The following FAM13C variants were observed in gnomAD, a reference collection of about 807,000 sequenced individuals.
FAM13C encodes the protein family with sequence similarity 13 member C, also known as protein FAM13C.
In FAM13C, 37 loss-of-function variants were observed where a neutral mutation model predicts 73.2. The observed-to-expected ratio is 0.51, with a 90% CI of 0.39 to 0.67. FAM13C has a LOEUF of 0.67. Among genes scored for constraint, FAM13C ranks in the 30% least tolerant of loss-of-function variants. The pLI, the probability that FAM13C is intolerant of heterozygous loss-of-function variation, is 0.00. For missense variants in FAM13C, 589 were observed against 715.6 expected, an observed-to-expected ratio of 0.82 and a Z score of 2.02; for synonymous variants, 246 against 260.9, an observed-to-expected ratio of 0.94 and a Z score of 0.55.
intron 5 of FAM13C, among the ~76,000 whole-genome samples, chr10:59,302,416 T>C (rs1004586423): frequency 2.6e-4 from 40 of 152,148 alleles, no homozygotes; most frequent in African/African-American, 9.4e-4. Flanking sequence ...ACAGTAAGTA[T>C]GATTATGTTT....
At chr10:59,279,584 G>T (rs1844704718) in intron 6 of FAM13C, among the ~76,000 whole-genome samples, 1 of 152,182 alleles carries the variant, frequency 6.6e-6, no homozygotes, top group South Asian at 2.1e-4. Flanking sequence ...TGGTCAGACA[G>T]AACAAAGGCT....
At chr10:59,347,215 G>C (rs181665838) in intron 3 of FAM13C, among the ~76,000 whole-genome samples, 1 of 152,156 alleles carries the variant, frequency 6.6e-6, no homozygotes, top group Admixed American at 6.5e-5. Flanking sequence ...TGTTCTATCA[G>C]TAAATATAAC....
rs1589445633 is a variant in FAM13C at position 59,283,451 on chromosome 10, G to A, written c.508-4C>T. The A allele has an allele frequency of 6.2e-7, 1 of 1,614,022 alleles. No individual in the cohort carries two copies. The highest frequency in any genetic ancestry group is 1.1e-5 in the South Asian group (1 of 91,092). ...CATGCACCTGAGCAGCTTCTTCCTG[G>A]TTTGTTAAAAATGCAGAGCACAGAT... On this transcript the variant is annotated splice_polypyrimidine_tract_variant and splice_region_variant and intron_variant, in intron 5 of 13. Coordinates refer to ENST00000618804, the MANE Select transcript of FAM13C (RefSeq NM_198215.4).
intron 7 of FAM13C, among the ~76,000 whole-genome samples, chr10:59,269,474 G>A (rs1303507719): frequency 2.6e-5 from 4 of 151,034 alleles, no homozygotes; most frequent in African/African-American, 7.4e-5. Flanking sequence ...GGTAGCTATT[G>A]TAAGCTACCA....
Position 59,347,690 on chromosome 10 carries a change from G to C in FAM13C, c.324+4580C>G, listed in dbSNP as rs57253449. 5.7e-3 allele frequency among the ~76,000 whole-genome samples: 705 copies of C among 124,436 alleles called. 5 individuals carry two copies. Among genetic ancestry groups the C allele is most frequent in the African/African-American group, 0.016 (541 of 33,218 alleles). The allele number at this position is 124,436 out of a possible 152,430, so 81.6% of individuals were successfully genotyped here. On this transcript the variant is annotated intron_variant, in intron 3 of 13. Transcript: ENST00000618804. ...TATCCCTCCCCTAGCCCCCCACCCC[G>C]CAACAGGCCCCAGTGTGTGATGTTC...
At chr10:59,324,128 G>T (rs1444763695) in intron 3 of FAM13C, 22 bp from the exon 4 acceptor site, 1 of 1,586,492 alleles carries the variant, frequency 6.3e-7, no homozygotes, top group Non-Finnish European at 8.6e-7. Context: ...AAGAGCAAAA[G>T]TAGATGAGCT....
At chr10:59,344,917 C>T (rs1320996443) in intron 3 of FAM13C, among the ~76,000 whole-genome samples, 1 of 151,338 alleles carries the variant, frequency 6.6e-6, no homozygotes, top group Non-Finnish European at 1.5e-5. Context: ...ACCAATAGGA[C>T]AAAGGTGCCC....
intron 8 of FAM13C, among the ~76,000 whole-genome samples, chr10:59,267,933 A>T (rs1589395068): frequency 6.6e-6 from 1 of 152,040 alleles, no homozygotes; most frequent in South Asian, 2.1e-4. Context: ...CTTACCTATG[A>T]CCCTATTGTT....
intron 5 of FAM13C, among the ~76,000 whole-genome samples, chr10:59,296,490 AT>A (rs1846940364): frequency 6.6e-6 from 1 of 152,236 alleles, no homozygotes; most frequent in Non-Finnish European, 1.5e-5. Flanking sequence ...AATTTTTCAT[AT>A]TGATTTCAGG....
intron 5 of FAM13C, chr10:59,296,855 A>G (rs1846978625): frequency 6.6e-6 from 1 of 152,214 alleles, no homozygotes; most frequent in South Asian, 2.1e-4. Context: ...GCTATTTTTG[A>G]TAAAGTCAAT....
intron 4 of FAM13C, among the ~76,000 whole-genome samples, chr10:59,320,185 G>T (rs1193336969): frequency 2.0e-5 from 3 of 152,144 alleles, no homozygotes; most frequent in Non-Finnish European, 4.4e-5. Context: ...TAGGCCCTGG[G>T]TTATCCCTCC....
intron 2 of FAM13C, among the ~76,000 whole-genome samples, chr10:59,353,555 A>G (rs1278891663): frequency 6.6e-6 from 1 of 152,204 alleles, no homozygotes; most frequent in East Asian, 1.9e-4. Context: ...CTGCTCAAGG[A>G]CACCTAAAGC....
Position 59,362,384 on chromosome 10 carries a change from G to A in FAM13C, c.62+15C>T, listed in dbSNP as rs1319754932. On this transcript the variant is annotated intron_variant, in intron 1 of 13. Coordinates refer to ENST00000618804, the MANE Select transcript of FAM13C (RefSeq NM_198215.4). ...AAGGCATGCAAGTCTAATTTTAATGGTAAGAATCACTTACTCTGTTACAGT... is the reference window on the plus strand; with the variant it reads ...AAGGCATGCAAGTCTAATTTTAATGATAAGAATCACTTACTCTGTTACAGT... 5 of 1,613,286 alleles carry A rather than the reference G, an allele frequency of 3.1e-6. No individual in the cohort carries two copies. In the East Asian group the frequency reaches 1.1e-4, roughly 36 times the overall value.
chr10:59,287,895 C>T (rs1165183122), intron 5 of FAM13C, among the ~76,000 whole-genome samples: 11 of 152,220 alleles, frequency 7.2e-5, no homozygotes, highest in Admixed American at 7.2e-4. Flanking sequence ...GAGGCCTTGA[C>T]TCATCACTTT....
At chr10:59,272,363 A>G (rs1207892505) in intron 6 of FAM13C, among the ~76,000 whole-genome samples, 1 of 152,220 alleles carries the variant, frequency 6.6e-6, no homozygotes, top group Non-Finnish European at 1.5e-5. Context: ...AAGGGGCTTA[A>G]TTAAATCAGC....
intron 3 of FAM13C, among the ~76,000 whole-genome samples, chr10:59,337,674 T>C (rs1356273915): frequency 1.7e-4 from 12 of 71,642 alleles, no homozygotes; most frequent in African/African-American, 7.2e-4. Context: ...TTTCTTTTTT[T>C]TTTTTTTTTT....
chr10:59,264,285 G>T, intron 8 of FAM13C, 119 bp from the exon 9 acceptor site: 1 of 677,718 alleles, frequency 1.5e-6, no homozygotes, highest in South Asian at 1.9e-5. Flanking sequence ...AGATAGTTTA[G>T]GAATATATAA....
At chr10:59,270,405 A>G (rs17830908) in intron 6 of FAM13C, 34,709 of 317,828 alleles carry the variant, frequency 0.11, 2,306 homozygotes, top group South Asian at 0.18. Flanking sequence ...CATTATTTGC[A>G]TAAGTCAGAG....
chr10:59,347,578 G>A (rs1854476499), intron 3 of FAM13C, among the ~76,000 whole-genome samples: 1 of 151,796 alleles, frequency 6.6e-6, no homozygotes. Flanking sequence ...TGCAGAATGT[G>A]CAATTTTGTT....
Sources: gnomAD v4.1 joint callset for allele counts (sites outside exome capture counted in the v4.1 genomes callset) on GRCh38, gnomAD v4.1.1 for gene constraint, MANE v1.5 for transcripts, NCBI Gene and HGNC (gene_info 2026-07-23, HGNC 2026-07-21) for gene names.